The following NANS variants were observed in gnomAD, a reference collection of about 807,000 sequenced individuals.
NANS encodes the protein N-acetylneuraminate synthase, also known as N-acetylneuraminate-9-phosphate synthase.
Under a neutral mutation model 33.3 loss-of-function variants are expected in NANS, and 29 were observed. The ratio of observed to expected loss-of-function variants is 0.87; its 90% CI spans 0.65 to 1.19. The LOEUF is 1.19. Among genes scored for constraint, NANS ranks in the 50% most tolerant of loss-of-function variants. The pLI is 0.00. For missense variants in NANS, 394 were observed against 461.1 expected, an observed-to-expected ratio of 0.85 and a Z score of 1.33; for synonymous variants, 163 against 177.2, an observed-to-expected ratio of 0.92 and a Z score of 0.64.
intron 1 of NANS, among the ~76,000 whole-genome samples, chr9:98,060,361 A>G (rs1276288663): frequency 6.6e-6 from 1 of 152,030 alleles, no homozygotes; most frequent in African/African-American, 2.4e-5. Flanking sequence ...CTGTCAGTCT[A>G]TGTTGTTTTT....
intron 2 of NANS, among the ~76,000 whole-genome samples, chr9:98,074,274 T>C (rs1829479934): frequency 6.6e-6 from 1 of 152,126 alleles, no homozygotes; most frequent in Non-Finnish European, 1.5e-5. Context: ...TGTACATGCC[T>C]GAGCTCCCTT....
At chr9:98,064,759 C>T (rs1829086369) in intron 2 of NANS, among the ~76,000 whole-genome samples, 1 of 152,102 alleles carries the variant, frequency 6.6e-6, no homozygotes, top group African/African-American at 2.4e-5. Flanking sequence ...TTCCACAGTC[C>T]CTCAGCTGCT....
At chr9:98,057,053 TC>T in intron 1 of NANS, 113 bp downstream of exon 1, 2 of 1,343,764 alleles carry the variant, frequency 1.5e-6, no homozygotes, top group Non-Finnish European at 2.0e-6. Flanking sequence ...TCCGGCCTCT[TC>T]CCGCCCGCCA....
At chr9:98,057,905 T>C (rs1248701377) in intron 1 of NANS, among the ~76,000 whole-genome samples, 6 of 144,288 alleles carry the variant, frequency 4.2e-5, no homozygotes, top group African/African-American at 1.6e-4. Flanking sequence ...TCTTACTGTT[T>C]TTTTTTTTTT....
chr9:98,073,590 CT>C (rs34969073), intron 2 of NANS, among the ~76,000 whole-genome samples: 4,296 of 141,376 alleles, frequency 0.03, 73 homozygotes, highest in Non-Finnish European at 0.046. Flanking sequence ...GCCTGGGCTT[CT>C]TTTTTTTTTT....
rs1296625718 is a variant in NANS at position 98,056,755 on chromosome 9, C to T, written c.-54C>T. ...TCACAGAACAGAGTAGAGGCGGCGG[C>T]GGCGGCGGCCGGACCCAGACTGGTA... On this transcript the variant is annotated 5_prime_UTR_variant, in exon 1 of 6. Coordinates refer to ENST00000210444, the MANE Select transcript of NANS (RefSeq NM_018946.4). 1 of 1,578,938 alleles carries T rather than the reference C, an allele frequency of 6.3e-7. No individual in the cohort carries two copies. Among genetic ancestry groups the T allele is most frequent in the Non-Finnish European group, 8.6e-7 (1 of 1,166,144 alleles).
At chr9:98,071,624 G>T (rs540794226) in intron 2 of NANS, among the ~76,000 whole-genome samples, 1 of 152,288 alleles carries the variant, frequency 6.6e-6, no homozygotes, top group South Asian at 2.1e-4. Context: ...GGGACATCTG[G>T]GTACTTGTCC....
Position 98,080,856 on chromosome 9 carries a change from C to T in NANS, c.644C>T (p.Ser215Phe). ...TTTCCTGACATTCCCATAGGGTATT[C>T]TGGGCATGAAACAGGCATAGCGATA... ...KLFPDIPIGY[S>F]GHETGIAISV... The change falls in exon 5 of 6, where the codon TCT (serine) becomes TTT (phenylalanine). Residue 215 changes from serine (S) to phenylalanine (F), a missense_variant. Ser to Phe is a radical substitution (Grantham distance 155). Coordinates refer to ENST00000210444, the MANE Select transcript of NANS (RefSeq NM_018946.4). 6.2e-7 allele frequency: 1 copy of T among 1,610,548 alleles called. No homozygotes were observed. Among genetic ancestry groups the T allele is most frequent in the Non-Finnish European group, 8.5e-7 (1 of 1,177,292 alleles).
At chr9:98,080,701 C>G in intron 4 of NANS, 115 bp from the exon 5 acceptor site, 1 of 1,207,574 alleles carries the variant, frequency 8.3e-7, no homozygotes, top group East Asian at 2.5e-5. Flanking sequence ...TATCTTGCCC[C>G]TGGCTGCACA....
At chr9:98,057,921 G>GTTTTT (rs1491129722) in intron 1 of NANS, among the ~76,000 whole-genome samples, 8 of 87,462 alleles carry the variant, frequency 9.1e-5, no homozygotes, top group Admixed American at 7.8e-4. Context: ...TTTTTTTCCT[G>GTTTTT]GTTTTTTTTT....
intron 4 of NANS, among the ~76,000 whole-genome samples, chr9:98,079,908 A>G (rs934941871): frequency 3.3e-5 from 5 of 152,078 alleles, no homozygotes. Context: ...TAACCCTCCT[A>G]ATCTTTTGTT....
At chr9:98,059,656 C>T (rs1322992235) in intron 1 of NANS, among the ~76,000 whole-genome samples, 1 of 152,110 alleles carries the variant, frequency 6.6e-6, no homozygotes, top group East Asian at 1.9e-4. Flanking sequence ...TTCAAGCAAT[C>T]CTCCCACCTT....
chr9:98,069,872 TAA>T (rs2131634267), intron 2 of NANS, among the ~76,000 whole-genome samples: 1 of 152,232 alleles, frequency 6.6e-6, no homozygotes, highest in African/African-American at 2.4e-5. Context: ...AAATTGCATA[TAA>T]TTAAATATAG....
rs546583103 is a variant in NANS, at chr9:98,058,639, G to A, written c.132+1699G>A. 1.1e-4 allele frequency among the ~76,000 whole-genome samples: 16 copies of A among 152,340 alleles called. No homozygotes were observed. In the East Asian group the frequency reaches 2.5e-3, roughly 24 times the overall value. ...ATACTGAAGCCATAGAAACAAAGCT[G>A]TACTGACCAGGTGCAGTGGCTGATT... On this transcript the variant is annotated intron_variant, in intron 1 of 5. Coordinates refer to ENST00000210444, the MANE Select transcript of NANS (RefSeq NM_018946.4).
Position 98,060,817 on chromosome 9 carries a change from T to C in NANS, c.168T>C (p.Ser56=). Reference sequence around the variant, plus strand: ...CTGATTGTGCTAAGTTCCAGAAGAGTGAGCTAGAATTCAAGTTTAATCGGA... The same window carrying C: ...CTGATTGTGCTAAGTTCCAGAAGAGCGAGCTAGAATTCAAGTTTAATCGGA... The part of the protein sequence containing the change: ...CGADCAKFQK[S]ELEFKFNRKA... The change falls in exon 2 of 6, where the codon AGT becomes AGC. Residue 56 remains serine, a synonymous_variant. Coordinates refer to ENST00000210444, the MANE Select transcript of NANS (RefSeq NM_018946.4). 6.2e-7 allele frequency: 1 copy of C among 1,613,704 alleles called. No individual in the cohort carries two copies. Among genetic ancestry groups the C allele is most frequent in the Non-Finnish European group, 8.5e-7 (1 of 1,179,976 alleles).
At chr9:98,061,563 C>T (rs1031669039) in intron 2 of NANS, among the ~76,000 whole-genome samples, 2 of 149,370 alleles carry the variant, frequency 1.3e-5, no homozygotes, top group Non-Finnish European at 3.0e-5. Context: ...AGGCAGGTCA[C>T]GAGGTCAAGA....
intron 3 of NANS, among the ~76,000 whole-genome samples, chr9:98,077,861 A>C (rs1238880281): frequency 1.3e-5 from 2 of 152,230 alleles, no homozygotes; most frequent in Non-Finnish European, 2.9e-5. Context: ...CTCTTGAATC[A>C]GCACTCATTC....
chr9:98,077,924 C>T (rs537943177), intron 3 of NANS: 1 of 485,032 alleles, frequency 2.1e-6, no homozygotes, highest in African/African-American at 1.9e-5. Context: ...ACTCATTTTC[C>T]TCTTGGCAGT....
chr9:98,070,033 C>G (rs993500617), intron 2 of NANS, among the ~76,000 whole-genome samples: 1 of 152,200 alleles, frequency 6.6e-6, no homozygotes, highest in South Asian at 2.1e-4. Context: ...TATAGTATCT[C>G]TCTGTGTTCT....
Sources: gnomAD v4.1 joint callset for allele counts (sites outside exome capture counted in the v4.1 genomes callset) on GRCh38, gnomAD v4.1.1 for gene constraint, MANE v1.5 for transcripts, NCBI Gene and HGNC (gene_info 2026-07-23, HGNC 2026-07-21) for gene names.